LRP1B: variants seen among roughly 807,000 people sequenced by gnomAD.
LRP1B encodes the protein LDL receptor related protein 1B.
LRP1B carries 217 observed loss-of-function variants against 556.6 expected under a neutral mutation model. The observed-to-expected ratio is 0.39, with a 90% CI of 0.35 to 0.44. The LOEUF is 0.44. LRP1B is among the 20% of genes least tolerant of loss of function. The pLI, the probability that LRP1B is intolerant of heterozygous loss-of-function variation, is 1.00. For missense variants in LRP1B, 5,053 were observed against 5,620.8 expected (o/e 0.90, Z 3.23); for synonymous variants, 2,047 against 1,865.8 (o/e 1.10, Z -2.50).
At chr2:141,692,830 A>G (rs1691596108) in intron 2 of LRP1B, among the ~76,000 whole-genome samples, 1 of 152,036 alleles carries the variant, frequency 6.6e-6, no homozygotes, top group South Asian at 2.1e-4. Flanking sequence ...ACTGTAATAC[A>G]ATGGAAAGTA....
At chr2:140,692,702 G>T (rs1686287921) in intron 41 of LRP1B, among the ~76,000 whole-genome samples, 1 of 151,960 alleles carries the variant, frequency 6.6e-6, no homozygotes, top group African/African-American at 2.4e-5. Context: ...GTAATCCTTT[G>T]TTGGTTTTAA....
intron 2 of LRP1B, among the ~76,000 whole-genome samples, chr2:141,544,340 C>CCTCTTCTTCTTCTTCTTCTT (rs1685436637): frequency 1.4e-5 from 1 of 73,228 alleles, no homozygotes; most frequent in African/African-American, 5.5e-5. Flanking sequence ...TCTTCTTCTT[C>CCTCTTCTTCTTCTTCTTCTT]TTCTTCTTCT....
chr2:140,546,622 C>T (rs1475357945), intron 43 of LRP1B, among the ~76,000 whole-genome samples: 1 of 152,010 alleles, frequency 6.6e-6, no homozygotes, highest in Admixed American at 6.6e-5. Flanking sequence ...GGTAACCATC[C>T]TCATGATTCA....
intron 43 of LRP1B, among the ~76,000 whole-genome samples, chr2:140,593,070 T>G (rs1430114104): frequency 6.6e-6 from 1 of 152,322 alleles, no homozygotes; most frequent in African/African-American, 2.4e-5. Context: ...TTTATTTAAC[T>G]TGCTCTCCTA....
At chr2:141,811,001 A>C (rs746214468) in intron 1 of LRP1B, among the ~76,000 whole-genome samples, 1 of 151,560 alleles carries the variant, frequency 6.6e-6, no homozygotes, top group Non-Finnish European at 1.5e-5. Context: ...ACTTCCATAA[A>C]GGTTTTTTTT....
chr2:140,710,714 T>C (rs1445927526), intron 37 of LRP1B, among the ~76,000 whole-genome samples: 1 of 151,776 alleles, frequency 6.6e-6, no homozygotes, highest in African/African-American at 2.4e-5. Context: ...AAAAAGGAAT[T>C]CTTGGATGGA....
chr2:141,084,152 GTTT>G (rs1699990867), intron 7 of LRP1B, among the ~76,000 whole-genome samples: 1 of 152,126 alleles, frequency 6.6e-6, no homozygotes, highest in Non-Finnish European at 1.5e-5. Context: ...TTGAAAAAAT[GTTT>G]TTATTATTAT....
chr2:141,005,577 T>C lies in LRP1B; in HGVS notation c.2381-120A>G, dbSNP rs1317131577. ...TATGTATATTATATATTTAGTAATA[T>C]AGTGAAGATTTCTGTTGAATCATAA... On this transcript the variant is annotated intron_variant, in intron 14 of 90. Coordinates refer to ENST00000389484, the MANE Select transcript of LRP1B (RefSeq NM_018557.3). The C allele has an allele frequency of 1.6e-5, 12 of 760,968 alleles. 1 individual carries two copies. The South Asian group carries it at 3.7e-4, about 23-fold the overall frequency. The allele number at this position is 760,968 out of a possible 1,614,324, so 47.1% of individuals were successfully genotyped here. A position where few individuals can be genotyped will look rare whatever the true frequency, so the allele number is the denominator to read the frequency against.
chr2:141,588,005 A>G (rs11685267), intron 2 of LRP1B, among the ~76,000 whole-genome samples: 12,223 of 152,276 alleles, frequency 0.08, 569 homozygotes, highest in South Asian at 0.14. Flanking sequence ...CTAATACCTT[A>G]TTAATCAAAA....
At chr2:141,252,909 T>A (rs182051206) in intron 4 of LRP1B, among the ~76,000 whole-genome samples, 1 of 152,284 alleles carries the variant, frequency 6.6e-6, no homozygotes, top group East Asian at 1.9e-4. Flanking sequence ...CTAAAATGAT[T>A]GCTGTGCAAT....
chr2:141,245,728 C>A (rs1684042265), intron 5 of LRP1B, among the ~76,000 whole-genome samples: 1 of 152,128 alleles, frequency 6.6e-6, no homozygotes, highest in Non-Finnish European at 1.5e-5. Context: ...TTTTCTTACT[C>A]AGTAGGCTGA....
intron 1 of LRP1B, among the ~76,000 whole-genome samples, chr2:141,994,563 G>A (rs1702435518): frequency 6.6e-6 from 1 of 152,036 alleles, no homozygotes; most frequent in Admixed American, 6.6e-5. Flanking sequence ...TTACATGTAT[G>A]TATATCTATC....
chr2:141,553,116 G>A (rs544062610), intron 2 of LRP1B, among the ~76,000 whole-genome samples: 15 of 151,968 alleles, frequency 9.9e-5, no homozygotes, highest in African/African-American at 3.4e-4. Context: ...GACACTTAAT[G>A]TAGACTAATT....
At chr2:141,014,036 G>T (rs1038732810) in intron 13 of LRP1B, among the ~76,000 whole-genome samples, 4 of 151,926 alleles carry the variant, frequency 2.6e-5, no homozygotes, top group Non-Finnish European at 5.9e-5. Flanking sequence ...ATACGGTTAA[G>T]AATGCAAATA....
intron 7 of LRP1B, among the ~76,000 whole-genome samples, chr2:141,169,283 C>G (rs1680393159): frequency 7.4e-6 from 1 of 135,804 alleles, no homozygotes; most frequent in Non-Finnish European, 1.6e-5. Flanking sequence ...AAGACTCTGT[C>G]TCAAAAATAA....
intron 7 of LRP1B, among the ~76,000 whole-genome samples, chr2:141,073,447 C>A (rs749604249): frequency 1.1e-4 from 16 of 152,048 alleles, no homozygotes; most frequent in Admixed American, 2.6e-4. Flanking sequence ...TACATCAGGT[C>A]CAGAATTCTA....
At chr2:142,009,668 T>C (rs771234865) in intron 1 of LRP1B, among the ~76,000 whole-genome samples, 2 of 152,174 alleles carry the variant, frequency 1.3e-5, no homozygotes, top group African/African-American at 2.4e-5. Context: ...CAAAATATTA[T>C]CTATATTTTC....
chr2:140,876,448 A>T (rs926925818), intron 25 of LRP1B, among the ~76,000 whole-genome samples: 1 of 152,158 alleles, frequency 6.6e-6, no homozygotes, highest in Non-Finnish European at 1.5e-5. Flanking sequence ...ATAGGACACA[A>T]TTGGAGAAAC....
chr2:140,911,194 A>G (rs2105237788), intron 21 of LRP1B, among the ~76,000 whole-genome samples: 1 of 151,920 alleles, frequency 6.6e-6, no homozygotes, highest in South Asian at 2.1e-4. Flanking sequence ...ATGTGTTGAA[A>G]GGGAGTTAGC....
Sources: allele counts gnomAD v4.1 joint callset (sites outside exome capture counted in the v4.1 genomes callset), GRCh38; gene constraint gnomAD v4.1.1; transcripts MANE v1.5; gene names NCBI Gene and HGNC (gene_info 2026-07-23, HGNC 2026-07-21).